The following PCDHA1 variants were observed in gnomAD, a reference collection of about 807,000 sequenced individuals.
The protein encoded by PCDHA1 is protocadherin alpha-1.
A neutral mutation model predicts 61.3 loss-of-function variants in PCDHA1; 42 were observed. The observed-to-expected ratio is 0.69, with a 90% confidence interval of 0.54 to 0.89. The LOEUF (loss-of-function observed/expected upper bound fraction) is 0.89, where lower values mean the gene tolerates loss of function less well. Ranked by LOEUF, PCDHA1 falls within the 40% of genes least tolerant of loss-of-function variation. The probability of loss-of-function intolerance (pLI) is 0.00; values close to 1 mark genes in which losing one functional copy is unlikely to be tolerated. For synonymous variants in PCDHA1, 610 were observed against 553.8 expected, an observed-to-expected ratio of 1.10 and a Z score of -1.43; for missense variants, 1,256 against 1,235.3, an observed-to-expected ratio of 1.02 and a Z score of -0.25.
At chr5:140,966,528 G>T (rs567098369) in intron 1 of PCDHA1, 235 of 446,634 alleles carry the variant, frequency 5.3e-4, no homozygotes, top group Non-Finnish European at 7.8e-4. Context: ...AGCCGAGCCG[G>T]GTTGAGCGAC....
intron 1 of PCDHA1, among the ~76,000 whole-genome samples, chr5:140,820,641 G>A (rs1766795665): frequency 6.6e-6 from 1 of 151,988 alleles, no homozygotes; most frequent in Non-Finnish European, 1.5e-5. Context: ...ACAGTTGGGA[G>A]ATTAAAAAGT....
intron 1 of PCDHA1, among the ~76,000 whole-genome samples, chr5:140,960,278 T>A (rs2095536864): frequency 6.6e-6 from 1 of 152,192 alleles, no homozygotes. Context: ...CGTCACCTTT[T>A]TGGGACCCAG....
chr5:140,839,126 A>G (rs1399665834), intron 1 of PCDHA1, among the ~76,000 whole-genome samples: 8 of 151,272 alleles, frequency 5.3e-5, no homozygotes, highest in East Asian at 3.9e-4. Context: ...ATAATATGTC[A>G]TTCACATAAG....
intron 1 of PCDHA1, chr5:140,808,669 G>T: frequency 1.2e-6 from 2 of 1,612,884 alleles, no homozygotes; most frequent in Non-Finnish European, 1.7e-6. Context: ...CCTACTCGCT[G>T]GTAGAGCGGC....
chr5:140,949,978 C>T (rs557456282), intron 1 of PCDHA1, among the ~76,000 whole-genome samples: 1 of 151,916 alleles, frequency 6.6e-6, no homozygotes, highest in East Asian at 1.9e-4. Context: ...AGCATACATA[C>T]TTAACTTTTC....
In PCDHA1 at chr5:141,010,504, A is replaced by C; in HGVS notation, c.*567A>C. On this transcript the variant is annotated 3_prime_UTR_variant, in exon 4 of 4. Transcript: ENST00000504120. ...AACTTAAAGGGACCAGACTTTCTAA[A>C]TCTTACAACTCAAGAGGTGGCAGCC... is the stretch of plus-strand genomic sequence containing the variant. 1.8e-6 allele frequency: 1 copy of C among 549,734 alleles called. No homozygotes were observed. Among genetic ancestry groups the C allele is most frequent in the Non-Finnish European group, 2.9e-6 (1 of 344,512 alleles). The allele number at this position is 549,734 out of a possible 1,614,324, so 34.1% of individuals were successfully genotyped here.
intron 1 of PCDHA1, among the ~76,000 whole-genome samples, chr5:140,895,037 C>G (rs28619398): frequency 6.6e-6 from 1 of 152,134 alleles, no homozygotes; most frequent in Non-Finnish European, 1.5e-5. Context: ...TTGTCCCCCA[C>G]CCACACCATT....
intron 1 of PCDHA1, chr5:140,810,864 T>C (rs1429757460): frequency 6.6e-6 from 1 of 152,174 alleles, no homozygotes; most frequent in Non-Finnish European, 1.5e-5. Flanking sequence ...AATTTATCAA[T>C]TTTTGCTTCT....
At chr5:140,808,898 G>C in intron 1 of PCDHA1, 1 of 1,613,480 alleles carries the variant, frequency 6.2e-7, no homozygotes, top group African/African-American at 1.3e-5. Context: ...GCCTCGGGCG[G>C]GTGGCACTGG....
intron 1 of PCDHA1, among the ~76,000 whole-genome samples, chr5:140,941,208 T>TTCCTTTCTTTCTTTCTTTCTTTCG (rs2092839762): frequency 9.1e-6 from 1 of 109,450 alleles, no homozygotes; most frequent in Non-Finnish European, 2.0e-5. Context: ...TCTTCCTTTC[T>TTCCTTTCTTTCTTTCTTTCTTTCG]TTCTTCCTTT....
chr5:140,850,152 G>A (rs1433217072), intron 1 of PCDHA1: 1 of 1,595,430 alleles, frequency 6.3e-7, no homozygotes, highest in Non-Finnish European at 8.6e-7. Flanking sequence ...GACGCTGCAG[G>A]TGTTCGTGCT....
At chr5:140,941,259 T>TTCTTTCTTTCTTTCTTTC (rs2092988682) in intron 1 of PCDHA1, among the ~76,000 whole-genome samples, 1 of 121,734 alleles carries the variant, frequency 8.2e-6, no homozygotes, top group Non-Finnish European at 1.8e-5. Flanking sequence ...TTCTTTCTCT[T>TTCTTTCTTTCTTTCTTTC]TCTTTCTTTC....
chr5:140,882,769 A>C, intron 1 of PCDHA1: 1 of 1,614,242 alleles, frequency 6.2e-7, no homozygotes, highest in Admixed American at 1.7e-5. Context: ...TAAACTCGGC[A>C]TTGACCTACC....
chr5:140,853,842 C>T lies in PCDHA1; in HGVS notation c.2394+65158C>T. On this transcript the variant is annotated intron_variant, in intron 1 of 3. Coordinates refer to ENST00000504120, the MANE Select transcript of PCDHA1 (RefSeq NM_018900.4). ...TTCTCATACAACCGAAATTTTAGATCCATAGCCCTATTTGATACTTGACAG... is the reference window on the plus strand; with the variant it reads ...TTCTCATACAACCGAAATTTTAGATTCATAGCCCTATTTGATACTTGACAG... 7.1e-6 allele frequency: 7 copies of T among 986,448 alleles called. 1 individual carries two copies. The highest frequency in any genetic ancestry group is 8.6e-6 in the Non-Finnish European group (7 of 818,538). The allele number at this position is 986,448 out of a possible 1,614,324, so 61.1% of individuals were successfully genotyped here. A position where few individuals can be genotyped will look rare whatever the true frequency, so the allele number is the denominator to read the frequency against.
At chr5:140,917,287 G>A (rs190210744) in intron 1 of PCDHA1, among the ~76,000 whole-genome samples, 51 of 147,686 alleles carry the variant, frequency 3.5e-4, no homozygotes, top group Admixed American at 7.7e-4. Flanking sequence ...ACGCTTTTCC[G>A]TGTGCAGATA....
chr5:140,926,682 C>T, intron 1 of PCDHA1: 1 of 656,722 alleles, frequency 1.5e-6, no homozygotes, highest in Non-Finnish European at 2.3e-6. Context: ...CAGCCTCCAG[C>T]CTAGCAAGCC....
intron 1 of PCDHA1, chr5:140,850,158 G>C: frequency 6.3e-7 from 1 of 1,595,230 alleles, no homozygotes; most frequent in Non-Finnish European, 8.6e-7. Flanking sequence ...GCAGGTGTTC[G>C]TGCTGGACGA....
At position 140,807,071 on chromosome 5, in the gene PCDHA1, T is replaced by C. The variant is rs568320895; in HGVS notation, c.2394+18387T>C. The C allele has an allele frequency of 9.3e-6, 11 of 1,185,968 alleles. No homozygotes were observed. The African/African-American group carries it at 1.7e-4, about 18-fold the overall frequency. The allele number at this position is 1,185,968 out of a possible 1,614,324, so 73.5% of individuals were successfully genotyped here. Reference sequence around the variant, plus strand: ...TCTATTCTTACTGGAAGGAACCATATACACTCTTTGGAGTCTGAAATATGG... The same window carrying C: ...TCTATTCTTACTGGAAGGAACCATACACACTCTTTGGAGTCTGAAATATGG... On this transcript the variant is annotated intron_variant, in intron 1 of 3. Coordinates refer to ENST00000504120, the MANE Select transcript of PCDHA1 (RefSeq NM_018900.4).
chr5:140,863,699 T>C, intron 1 of PCDHA1: 1 of 299,368 alleles, frequency 3.3e-6, no homozygotes, highest in Non-Finnish European at 6.5e-6. Context: ...GATGCTTTAT[T>C]TAAAGTACAC....
Sources: gnomAD v4.1 joint callset for allele counts (sites outside exome capture counted in the v4.1 genomes callset) on GRCh38, gnomAD v4.1.1 for gene constraint, MANE v1.5 for transcripts, NCBI Gene and HGNC (gene_info 2026-07-23, HGNC 2026-07-21) for gene names.